Variants in MED27 observed in about 807,000 individuals in gnomAD.
MED27 encodes mediator complex subunit 27.
Under a neutral mutation model 38.2 loss-of-function variants are expected in MED27, and 30 were observed. That is an observed-to-expected ratio of 0.79 (90% CI 0.59 to 1.07). The LOEUF (loss-of-function observed/expected upper bound fraction) is 1.07, where lower values mean the gene tolerates loss of function less well. Among genes scored for constraint, MED27 ranks in the 50% least tolerant of loss-of-function variants. The pLI, the probability that MED27 is intolerant of heterozygous loss-of-function variation, is 0.00. For missense variants in MED27, 289 were observed against 397.5 expected (o/e 0.73, Z 2.32); for synonymous variants, 122 against 153.5 (o/e 0.79, Z 1.52).
At chr9:131,863,490 G>A (rs1328898815) in intron 6 of MED27, among the ~76,000 whole-genome samples, 2 of 152,190 alleles carry the variant, frequency 1.3e-5, no homozygotes, top group Non-Finnish European at 2.9e-5. Flanking sequence ...AGCAAGGCGC[G>A]GCACACACAG....
chr9:131,952,208 G>A (rs922588317), intron 3 of MED27, among the ~76,000 whole-genome samples: 1 of 152,220 alleles, frequency 6.6e-6, no homozygotes, highest in Admixed American at 6.5e-5. Flanking sequence ...GGCAGGAGAA[G>A]CACGAGGCCA....
intron 6 of MED27, among the ~76,000 whole-genome samples, chr9:131,868,338 G>A (rs1444611183): frequency 6.6e-6 from 1 of 152,208 alleles, no homozygotes; most frequent in East Asian, 1.9e-4. Context: ...GAGGGCAGTG[G>A]CCCAATCTTA....
chr9:131,908,487 T>C (rs1830122796), intron 4 of MED27, among the ~76,000 whole-genome samples: 2 of 152,140 alleles, frequency 1.3e-5, no homozygotes, highest in Non-Finnish European at 2.9e-5. Context: ...CGTGTCTGTG[T>C]AGAAAGAAGT....
intron 2 of MED27, among the ~76,000 whole-genome samples, chr9:132,069,956 G>A (rs1032803116): frequency 1.1e-4 from 16 of 152,176 alleles, no homozygotes; most frequent in African/African-American, 3.6e-4. Context: ...CAAGAATAAA[G>A]GACAGTCGCC....
At chr9:131,977,022 C>T (rs538060339) in intron 3 of MED27, among the ~76,000 whole-genome samples, 1 of 152,346 alleles carries the variant, frequency 6.6e-6, no homozygotes, top group African/African-American at 2.4e-5. Flanking sequence ...AGCTGTACTA[C>T]TTTGATGTCA....
At position 131,953,414 on chromosome 9, in the gene MED27, C is replaced by G. The variant is rs961967735; in HGVS notation, c.480-13940G>C. Among the ~76,000 whole-genome samples the G allele has an allele frequency of 5.9e-5, 9 of 152,178 alleles. 1 individual carries two copies. In the South Asian group the frequency reaches 1.9e-3, roughly 31 times the overall value. On this transcript the variant is annotated intron_variant, in intron 3 of 7. Transcript: ENST00000292035. Reference sequence around the variant, plus strand: ...GACTAACAGTTTCCAAAATGTCATACACATAAAAGTGGTTTTAGGTGATAT... The same window carrying G: ...GACTAACAGTTTCCAAAATGTCATAGACATAAAAGTGGTTTTAGGTGATAT...
chr9:132,043,838 T>C (rs1047416232), intron 2 of MED27, among the ~76,000 whole-genome samples: 2 of 152,092 alleles, frequency 1.3e-5, no homozygotes, highest in Admixed American at 6.5e-5. Context: ...TGGCATGAAC[T>C]TACAATGTGC....
chr9:131,863,107 A>T lies in MED27; in HGVS notation c.757T>A (p.Tyr253Asn). The change falls in exon 7 of 8, where the codon TAT becomes AAT. Residue 253 changes from tyrosine to asparagine, a missense_variant. By Grantham distance (143) the Tyr-to-Asn change is moderately radical. Coordinates refer to ENST00000292035, the MANE Select transcript of MED27 (RefSeq NM_004269.4). ...ACATCCGGCATCTGGGGCAGCTGAT[A>T]GTGGAGCAGGGCAGTGGTGGCATGG... ...TDHATTALLH[Y>N]QLPQMPDVVV... is the part of the protein sequence containing the mutation. 1 of 1,614,188 alleles carries T rather than the reference A, an allele frequency of 6.2e-7. No individual in the cohort carries two copies. The highest frequency in any genetic ancestry group is 8.5e-7 in the Non-Finnish European group (1 of 1,180,034).
At chr9:131,874,680 G>A (rs1838898059) in intron 6 of MED27, among the ~76,000 whole-genome samples, 1 of 152,184 alleles carries the variant, frequency 6.6e-6, no homozygotes, top group Admixed American at 6.5e-5. Context: ...CGAAGGCCCT[G>A]TGCGTAGCTG....
intron 3 of MED27, among the ~76,000 whole-genome samples, chr9:131,952,837 C>T (rs529869695): frequency 4.2e-4 from 64 of 152,222 alleles, no homozygotes; most frequent in Non-Finnish European, 7.9e-4. Flanking sequence ...CAGGTACTGC[C>T]CTAGTCCCTT....
At chr9:131,951,897 A>G (rs1387719020) in intron 3 of MED27, among the ~76,000 whole-genome samples, 1 of 152,180 alleles carries the variant, frequency 6.6e-6, no homozygotes, top group African/African-American at 2.4e-5. Flanking sequence ...TACTACATCA[A>G]TGCATTTCAG....
At chr9:132,008,560 G>C (rs1047554794) in intron 3 of MED27, among the ~76,000 whole-genome samples, 17 of 152,244 alleles carry the variant, frequency 1.1e-4, no homozygotes, top group Admixed American at 1.0e-3. Context: ...GGGGGAGAAA[G>C]ATATGAATCA....
At chr9:131,926,192 G>T (rs547899906) in intron 4 of MED27, among the ~76,000 whole-genome samples, 2 of 152,358 alleles carry the variant, frequency 1.3e-5, no homozygotes, top group East Asian at 3.9e-4. Context: ...GGCTCCGTGA[G>T]GGCAAAAACT....
intron 3 of MED27, among the ~76,000 whole-genome samples, chr9:131,969,984 T>C (rs1052299666): frequency 6.6e-6 from 1 of 151,574 alleles, no homozygotes; most frequent in Non-Finnish European, 1.5e-5. Context: ...GGTGGGGGCA[T>C]AGGAGGGAGG....
chr9:131,937,602 C>T (rs750815179), intron 4 of MED27, among the ~76,000 whole-genome samples: 13 of 152,154 alleles, frequency 8.5e-5, no homozygotes, highest in Admixed American at 2.0e-4. Flanking sequence ...GAATCCTGTT[C>T]CCTCTGCTCA....
chr9:131,880,908 TA>T (rs58610115), intron 6 of MED27, among the ~76,000 whole-genome samples: 2,556 of 143,034 alleles, frequency 0.018, 51 homozygotes, highest in African/African-American at 0.058. Flanking sequence ...ACAAGAACAT[TA>T]AAAAAAAAAA....
At chr9:132,070,080 G>A (rs2131163753) in intron 2 of MED27, among the ~76,000 whole-genome samples, 1 of 152,338 alleles carries the variant, frequency 6.6e-6, no homozygotes, top group South Asian at 2.1e-4. Flanking sequence ...AACAGAGGAG[G>A]AGGCTGAGGC....
chr9:132,020,845 T>G (rs1393919825), intron 2 of MED27, among the ~76,000 whole-genome samples: 1 of 152,206 alleles, frequency 6.6e-6, no homozygotes, highest in East Asian at 1.9e-4. Context: ...TTCTTTCAAA[T>G]AGCCAATAGT....
intron 3 of MED27, among the ~76,000 whole-genome samples, chr9:131,984,628 G>A (rs1487820174): frequency 1.3e-5 from 2 of 152,214 alleles, no homozygotes; most frequent in African/African-American, 4.8e-5. Flanking sequence ...GGTAGTCAGG[G>A]AAGGTCCCTC....
Sources: gnomAD v4.1 joint callset for allele counts (sites outside exome capture counted in the v4.1 genomes callset) on GRCh38, gnomAD v4.1.1 for gene constraint, MANE v1.5 for transcripts, NCBI Gene and HGNC (gene_info 2026-07-23, HGNC 2026-07-21) for gene names.